The following LMO7 variants were observed in gnomAD, a reference collection of about 807,000 sequenced individuals.
LMO7 encodes LIM domain only protein 7.
In LMO7, 120 loss-of-function variants were observed where a neutral mutation model predicts 206.5. The ratio of observed to expected loss-of-function variants is 0.58; its 90% CI spans 0.50 to 0.68. The LOEUF is 0.68. LMO7 is among the 30% of genes least tolerant of loss of function. The probability of loss-of-function intolerance (pLI) is 0.00; values close to 1 mark genes in which losing one functional copy is unlikely to be tolerated. For synonymous variants in LMO7, 706 were observed against 681.5 expected (o/e 1.04, Z -0.56); for missense variants, 1,959 against 1,957.9 (o/e 1.00, Z -0.01).
At chr13:75,640,726 TAAC>T (rs149411309) in intron 1 of LMO7, among the ~76,000 whole-genome samples, 1,941 of 152,356 alleles carry the variant, frequency 0.013, 47 homozygotes, top group African/African-American at 0.044. Context: ...GTTATAGCTT[TAAC>T]AACATTAAAA....
chr13:75,838,163 A>T lies in LMO7; in HGVS notation c.3418A>T (p.Asn1140Tyr). The stretch of plus-strand genomic sequence containing the variant: ...AGCATCTGAATCCATTTCTTTGAAA[A>T]ACTTAAAAAGGCGATCACAATTTTT... ...SKASESISLK[N>Y]LKRRSQFFEQ... Residue 1140 changes from asparagine (N) to tyrosine (Y), a missense_variant, in exon 20 of 31, where the codon AAC becomes TAC. Coordinates refer to ENST00000377534, the MANE Select transcript of LMO7 (RefSeq NM_001306080.2). 1 of 1,603,920 alleles carries T rather than the reference A, an allele frequency of 6.2e-7. No homozygotes were observed. Among genetic ancestry groups the T allele is most frequent in the South Asian group, 1.1e-5 (1 of 90,828 alleles).
chr13:75,759,212 A>G (rs984173604), intron 3 of LMO7, among the ~76,000 whole-genome samples: 1 of 152,154 alleles, frequency 6.6e-6, no homozygotes, highest in African/African-American at 2.4e-5. Context: ...CTTGGCATGC[A>G]GGGATTACAG....
At chr13:75,716,810 A>G (rs908999554) in intron 2 of LMO7, among the ~76,000 whole-genome samples, 5 of 152,140 alleles carry the variant, frequency 3.3e-5, no homozygotes, top group Admixed American at 3.3e-4. Flanking sequence ...TATTTGGTTG[A>G]GACATAAACA....
intron 5 of LMO7, 107 bp from the exon 6 acceptor site, chr13:75,796,529 C>G: frequency 1.7e-6 from 1 of 595,852 alleles, no homozygotes; most frequent in Admixed American, 3.1e-5. Context: ...TTTTCACTTA[C>G]AGAGTAATAT....
intron 3 of LMO7, among the ~76,000 whole-genome samples, chr13:75,741,256 C>T (rs939366178): frequency 1.3e-5 from 2 of 152,170 alleles, no homozygotes; most frequent in African/African-American, 4.8e-5. Flanking sequence ...TCATCAATTT[C>T]CTTAAAAACA....
rs139984746 is a variant in LMO7, at chr13:75,848,431, TTATC to T, written c.4151-613_4151-610del. On this transcript the variant is annotated intron_variant, in intron 26 of 30. Coordinates refer to ENST00000377534, the MANE Select transcript of LMO7 (RefSeq NM_001306080.2). ...TATGGCTGAGTAGTATTCCATGCGA[TTATC>T]TATCTATCTATCTATCTATCTATCT... 1.9e-3 allele frequency among the ~76,000 whole-genome samples: 293 copies of T among 150,640 alleles called. 1 individual carries two copies. Among genetic ancestry groups the T allele is most frequent in the East Asian group, 0.014 (73 of 5,072 alleles).
chr13:75,621,500 CTA>C, exon 1 of LMO7: 1 of 331,136 alleles, frequency 3.0e-6, no homozygotes, highest in Non-Finnish European at 5.4e-6. Flanking sequence ...TTTTTGATAA[CTA>C]TGTTTATAGA....
chr13:75,716,881 A>C (rs1167479773), intron 2 of LMO7, among the ~76,000 whole-genome samples: 1 of 130,528 alleles, frequency 7.7e-6, no homozygotes, highest in African/African-American at 2.9e-5. Context: ...GGAAATATTC[A>C]AATGAAAACA....
At chr13:75,735,721 G>C (rs1015592411) in intron 3 of LMO7, among the ~76,000 whole-genome samples, 10 of 150,970 alleles carry the variant, frequency 6.6e-5, no homozygotes, top group African/African-American at 2.2e-4. Flanking sequence ...GGATTTGCCC[G>C]CCTCGGCCTC....
At chr13:75,726,256 T>C (rs901993333) in intron 2 of LMO7, among the ~76,000 whole-genome samples, 4 of 151,942 alleles carry the variant, frequency 2.6e-5, no homozygotes, top group African/African-American at 9.7e-5. Flanking sequence ...AGTGAACAAA[T>C]CAAGAAAAAA....
chr13:75,817,390 C>A (rs2057125526), intron 12 of LMO7, 112 bp downstream of exon 12: 2 of 649,220 alleles, frequency 3.1e-6, no homozygotes, highest in Non-Finnish European at 5.3e-6. Context: ...GAATTCAGTT[C>A]TGTATAAAAT....
Position 75,796,747 on chromosome 13 carries a change from A to AATCTTTT in LMO7, c.461_462insTCTTTTA (p.Lys154AsnfsTer22), listed in dbSNP as rs2054062454. ...GAATCTTTTAGGACAAGCACTGACG[A>AATCTTTT]AGGTAAGTAAACTACATCTGTGTGA... On this transcript the variant is annotated frameshift_variant and splice_region_variant, in exon 6 of 31. Coordinates refer to ENST00000377534, the MANE Select transcript of LMO7 (RefSeq NM_001306080.2). LOFTEE classifies it high-confidence loss of function. 1.3e-6 allele frequency: 2 copies of AATCTTTT among 1,561,416 alleles called. No homozygotes were observed. Among genetic ancestry groups the AATCTTTT allele is most frequent in the African/African-American group, 2.7e-5 (2 of 73,858 alleles).
At chr13:75,679,656 C>T (rs914912128) in intron 1 of LMO7, among the ~76,000 whole-genome samples, 1 of 152,194 alleles carries the variant, frequency 6.6e-6, no homozygotes, top group African/African-American at 2.4e-5. Context: ...TCACAGCTCA[C>T]TGCAGCCTTG....
intron 6 of LMO7, among the ~76,000 whole-genome samples, chr13:75,797,362 G>A (rs942053280): frequency 1.3e-5 from 2 of 152,114 alleles, no homozygotes; most frequent in South Asian, 2.1e-4. Flanking sequence ...AATGCTTGAG[G>A]ATCATTTGCA....
chr13:75,705,068 G>A (rs937893128), intron 1 of LMO7, among the ~76,000 whole-genome samples: 5 of 152,164 alleles, frequency 3.3e-5, no homozygotes, highest in African/African-American at 4.8e-5. Flanking sequence ...AGAGGTGTTG[G>A]TGCGGAATAT....
chr13:75,707,464 T>C (rs150467096), intron 1 of LMO7, among the ~76,000 whole-genome samples: 3 of 152,258 alleles, frequency 2.0e-5, no homozygotes, highest in Middle Eastern at 3.4e-3. Flanking sequence ...CAAGTTCTTA[T>C]TGCTGGGCAT....
At chr13:75,806,352 T>C (rs1363047062) in intron 9 of LMO7, 1 of 608,976 alleles carries the variant, frequency 1.6e-6, no homozygotes, top group Non-Finnish European at 2.1e-6. Context: ...TGGGACCTGA[T>C]TGCACTGAAT....
At chr13:75,798,605 T>A (rs2054326423) in intron 6 of LMO7, among the ~76,000 whole-genome samples, 1 of 152,210 alleles carries the variant, frequency 6.6e-6, no homozygotes, top group South Asian at 2.1e-4. Flanking sequence ...GGGGTAGCTG[T>A]TAGAGGTATG....
chr13:75,663,432 C>CTTTTTT lies in LMO7; in HGVS notation c.69+26717_69+26722dup, dbSNP rs1178254643. Among the ~76,000 whole-genome samples the CTTTTTT allele has an allele frequency of 3.0e-4, 33 of 111,388 alleles. 1 individual carries two copies. Among genetic ancestry groups the CTTTTTT allele is most frequent in the East Asian group, 7.6e-4 (3 of 3,962 alleles). The allele number at this position is 111,388 out of a possible 152,430, so 73.1% of individuals were successfully genotyped here. On this transcript the variant is annotated intron_variant, in intron 1 of 30. Transcript: ENST00000377534. ...TTTTTCTTTCTTTCTTTCTTTCTTT[C>CTTTTTT]TTTTTTTTTTTTTTTTGAGACGGAG...
Sources: gnomAD v4.1 joint callset for allele counts (sites outside exome capture counted in the v4.1 genomes callset) on GRCh38, gnomAD v4.1.1 for gene constraint, MANE v1.5 for transcripts, NCBI Gene and HGNC (gene_info 2026-07-23, HGNC 2026-07-21) for gene names.